Variants in AOAH observed in about 807,000 individuals in gnomAD.
AOAH encodes acyloxyacyl hydrolase (neutrophil).
AOAH carries 64 observed loss-of-function variants against 92.2 expected under a neutral mutation model. That is an observed-to-expected ratio of 0.69 (90% confidence interval 0.57 to 0.86). The LOEUF (loss-of-function observed/expected upper bound fraction) is 0.86, where lower values mean the gene tolerates loss of function less well. Ranked by LOEUF, AOAH falls within the 40% of genes least tolerant of loss-of-function variation. AOAH has a pLI of 0.00. For missense variants in AOAH, 656 were observed against 694.6 expected (o/e 0.94, Z 0.62); for synonymous variants, 263 against 254.5 (o/e 1.03, Z -0.32).
intron 6 of AOAH, among the ~76,000 whole-genome samples, chr7:36,625,219 T>A (rs1792566486): frequency 6.6e-6 from 1 of 152,154 alleles, no homozygotes; most frequent in Admixed American, 6.5e-5. Context: ...CCTCTTAGTG[T>A]CTCCAAGAAG....
Position 36,594,420 on chromosome 7 carries a change from A to G in AOAH, c.857T>C (p.Ile286Thr), listed in dbSNP as rs1376696070. The change falls in exon 12 of 21, where the codon ATC becomes ACC. Residue 286 changes from isoleucine (I) to threonine (T), a missense_variant. Physicochemically the swap from Ile to Thr is moderately conservative, Grantham distance 89 (BLOSUM62 -1). Transcript: ENST00000617537. ...TASQMSLNSF[I>T]NLPTALTNEL... ...GTTGGTAAGGGCTGTTGGTAGATTGATGAAAGAGTTCTAAGGAAAACAATA... is the reference window on the plus strand; with the variant it reads ...GTTGGTAAGGGCTGTTGGTAGATTGGTGAAAGAGTTCTAAGGAAAACAATA... 5 of 1,613,360 alleles carry G rather than the reference A, an allele frequency of 3.1e-6. No homozygotes were observed. The highest frequency in any genetic ancestry group is 4.5e-5 in the East Asian group (2 of 44,884).
chr7:36,530,490 G>C lies in AOAH; in HGVS notation c.1450C>G (p.Leu484Val), dbSNP rs769083461. 6.2e-7 allele frequency: 1 copy of C among 1,613,292 alleles called. No homozygotes were observed. The highest frequency in any genetic ancestry group is 8.5e-7 in the Non-Finnish European group (1 of 1,179,402). The stretch of plus-strand genomic sequence containing the variant: ...TTCTCACTGGCTGCAATTTTTTTCA[G>C]TGTGTTGGAGAGTTGCTCTGCTCTC... ...SERAEQLSNTLKKIAASEKFT... is the reference protein window; with the variant it reads ...SERAEQLSNTVKKIAASEKFT... The change falls in exon 19 of 21, where the codon CTG (leucine) becomes GTG (valine). Residue 484 changes from leucine (L) to valine (V), a missense_variant. Transcript: ENST00000617537.
chr7:36,628,914 A>C (rs951473766), intron 6 of AOAH, among the ~76,000 whole-genome samples: 3 of 152,238 alleles, frequency 2.0e-5, no homozygotes, highest in Non-Finnish European at 4.4e-5. Flanking sequence ...AATGGAAAGC[A>C]AACTGTTGGA....
chr7:36,523,269 T>A (rs530113582), intron 19 of AOAH, among the ~76,000 whole-genome samples: 1 of 152,354 alleles, frequency 6.6e-6, no homozygotes, highest in South Asian at 2.1e-4. Context: ...TACTAGAGGC[T>A]GTTGGAAGAA....
chr7:36,699,518 G>A (rs1371281184), intron 1 of AOAH, among the ~76,000 whole-genome samples: 1 of 151,678 alleles, frequency 6.6e-6, no homozygotes, highest in Non-Finnish European at 1.5e-5. Context: ...GTTTTGATTT[G>A]CATTTCTCTA....
chr7:36,640,502 G>A (rs1321063733), intron 4 of AOAH, among the ~76,000 whole-genome samples: 1 of 152,170 alleles, frequency 6.6e-6, no homozygotes, highest in Non-Finnish European at 1.5e-5. Context: ...GGGGCAACAG[G>A]GGCTTAGCCA....
intron 1 of AOAH, among the ~76,000 whole-genome samples, chr7:36,707,683 A>T (rs974177781): frequency 6.6e-6 from 1 of 152,184 alleles, no homozygotes; most frequent in African/African-American, 2.4e-5. Context: ...GTTTTCCAGT[A>T]AGTGATAAGT....
At chr7:36,553,439 A>T (rs1486483601) in intron 13 of AOAH, among the ~76,000 whole-genome samples, 1 of 151,574 alleles carries the variant, frequency 6.6e-6, no homozygotes, top group African/African-American at 2.4e-5. Flanking sequence ...TAGTGCCGCA[A>T]TAAACATACG....
intron 1 of AOAH, among the ~76,000 whole-genome samples, chr7:36,712,970 C>A (rs1798866324): frequency 6.6e-6 from 1 of 152,118 alleles, no homozygotes; most frequent in Non-Finnish European, 1.5e-5. Flanking sequence ...GGATCAAATT[C>A]ACACATAACA....
chr7:36,569,229 T>G (rs1787925196), intron 13 of AOAH, among the ~76,000 whole-genome samples: 1 of 152,160 alleles, frequency 6.6e-6, no homozygotes, highest in African/African-American at 2.4e-5. Context: ...ATAAAGGTTT[T>G]GCTAAGCTTG....
At chr7:36,604,107 T>C (rs1041895569) in intron 11 of AOAH, among the ~76,000 whole-genome samples, 4 of 152,162 alleles carry the variant, frequency 2.6e-5, no homozygotes, top group African/African-American at 9.7e-5. Flanking sequence ...GGAGCTCTTT[T>C]ATAAGAGTAC....
intron 20 of AOAH, among the ~76,000 whole-genome samples, chr7:36,517,971 GCACA>G (rs1433535700): frequency 8.5e-6 from 1 of 117,886 alleles, no homozygotes; most frequent in Non-Finnish European, 1.8e-5. Flanking sequence ...ACACACACAC[GCACA>G]CACACACACT....
chr7:36,555,118 G>C (rs1786600963), intron 13 of AOAH, among the ~76,000 whole-genome samples: 2 of 148,544 alleles, frequency 1.3e-5, no homozygotes, highest in African/African-American at 5.0e-5. Context: ...ATTGGCTGTG[G>C]GTTTGTCATA....
At chr7:36,630,285 C>T (rs1792981806) in intron 6 of AOAH, among the ~76,000 whole-genome samples, 1 of 152,244 alleles carries the variant, frequency 6.6e-6, no homozygotes, top group African/African-American at 2.4e-5. Context: ...TATAGCTTCT[C>T]AGTCCAGGTG....
chr7:36,634,974 C>T (rs1390899970), intron 5 of AOAH, among the ~76,000 whole-genome samples: 1 of 152,084 alleles, frequency 6.6e-6, no homozygotes, highest in Admixed American at 6.6e-5. Flanking sequence ...GATATAGGGG[C>T]CCCTAGAATT....
At chr7:36,647,831 A>G (rs891708954) in intron 4 of AOAH, among the ~76,000 whole-genome samples, 7 of 147,876 alleles carry the variant, frequency 4.7e-5, no homozygotes, top group African/African-American at 1.8e-4. Flanking sequence ...CAGTTCCCTT[A>G]GAGTTCTTTT....
intron 1 of AOAH, among the ~76,000 whole-genome samples, chr7:36,711,161 C>A (rs923528712): frequency 6.6e-6 from 1 of 152,138 alleles, no homozygotes; most frequent in Non-Finnish European, 1.5e-5. Context: ...GTAATGTCTT[C>A]ATTTAGAGAC....
At chr7:36,648,641 T>G (rs1217940299) in intron 4 of AOAH, among the ~76,000 whole-genome samples, 3 of 151,926 alleles carry the variant, frequency 2.0e-5, no homozygotes, top group South Asian at 4.1e-4. Context: ...TTTTTTTTTT[T>G]TTAAGTGATT....
At chr7:36,673,476 G>T (rs1007983816) in intron 3 of AOAH, among the ~76,000 whole-genome samples, 1 of 152,208 alleles carries the variant, frequency 6.6e-6, no homozygotes, top group Non-Finnish European at 1.5e-5. Flanking sequence ...GGTGGAGGTT[G>T]CAGTGAGCCG....
Sources: gnomAD v4.1 joint callset for allele counts (sites outside exome capture counted in the v4.1 genomes callset) on GRCh38, gnomAD v4.1.1 for gene constraint, MANE v1.5 for transcripts, NCBI Gene and HGNC (gene_info 2026-07-23, HGNC 2026-07-21) for gene names.